The following EPB41L4A variants were observed in gnomAD, a reference collection of about 807,000 sequenced individuals.
EPB41L4A encodes band 4.1-like protein 4A.
In EPB41L4A, 100 loss-of-function variants were observed where a neutral mutation model predicts 108.6. The ratio of observed to expected loss-of-function variants is 0.92; its 90% CI spans 0.78 to 1.09. EPB41L4A has a LOEUF of 1.09. Among genes scored for constraint, EPB41L4A ranks in the 50% least tolerant of loss-of-function variants. The pLI, the probability that EPB41L4A is intolerant of heterozygous loss-of-function variation, is 0.00. For synonymous variants in EPB41L4A, 319 were observed against 289.0 expected (o/e 1.10, Z -1.05); for missense variants, 1,030 against 842.7 (o/e 1.22, Z -2.75).
chr5:112,247,765 G>A (rs1005958072), intron 9 of EPB41L4A, among the ~76,000 whole-genome samples: 3 of 152,082 alleles, frequency 2.0e-5, no homozygotes, highest in Non-Finnish European at 4.4e-5. Context: ...AAAGTATTCC[G>A]TCTTAAAATA....
intron 1 of EPB41L4A, chr5:112,363,717 G>C (rs993626640): frequency 6.9e-6 from 1 of 143,902 alleles, no homozygotes; most frequent in Non-Finnish European, 1.5e-5. Context: ...CTTACCATTT[G>C]ATGATTCTGA....
Position 112,209,902 on chromosome 5 carries a change from G to C in EPB41L4A, c.1168C>G (p.Pro390Ala). Residue 390 changes from proline (P) to alanine (A), a missense_variant, in exon 13 of 23, where the codon CCA becomes GCA. By Grantham distance (27) the Pro-to-Ala change is conservative. Coordinates refer to ENST00000261486, the MANE Select transcript of EPB41L4A (RefSeq NM_022140.5). ...GTTAACTTCACTGACCTTTTTACTG[G>C]TGAAGGTGCAATAATTTTAATTGTT... ...EGTIKIIAPS[P>A]VKSFKKAKNE... 6.3e-7 allele frequency: 1 copy of C among 1,597,210 alleles called. No homozygotes were observed. Among genetic ancestry groups the C allele is most frequent in the Admixed American group, 1.7e-5 (1 of 59,592 alleles).
intron 17 of EPB41L4A, among the ~76,000 whole-genome samples, chr5:112,186,510 C>G (rs1761434491): frequency 6.6e-6 from 1 of 152,080 alleles, no homozygotes; most frequent in South Asian, 2.1e-4. Context: ...TTTTTTCTAA[C>G]TGAAAAGTCT....
At chr5:112,178,847 G>A (rs1031791105) in intron 18 of EPB41L4A, among the ~76,000 whole-genome samples, 5 of 150,648 alleles carry the variant, frequency 3.3e-5, no homozygotes, top group African/African-American at 9.7e-5. Context: ...ATCCTAAGAA[G>A]ATGAAAAAAG....
In EPB41L4A at chr5:112,275,690, T is replaced by C. The variant is rs1045164478; in HGVS notation, c.257-286A>G. 1.8e-4 allele frequency among the ~76,000 whole-genome samples: 27 copies of C among 152,100 alleles called. 1 individual carries two copies. Among genetic ancestry groups the C allele is most frequent in the Non-Finnish European group, 2.5e-4 (17 of 68,010 alleles). On this transcript the variant is annotated intron_variant, in intron 3 of 22. Coordinates refer to ENST00000261486, the MANE Select transcript of EPB41L4A (RefSeq NM_022140.5). The stretch of plus-strand genomic sequence containing the variant: ...TATATGTTTTTCCCATTTTCTATAG[T>C]ATATATGTAATTTTTCATAGTGAAG...
chr5:112,235,132 T>TAA (rs1054412558), intron 11 of EPB41L4A, among the ~76,000 whole-genome samples: 5 of 152,244 alleles, frequency 3.3e-5, no homozygotes, highest in Non-Finnish European at 5.9e-5. Context: ...CTCCATGTTG[T>TAA]ACTCACACAG....
chr5:112,196,324 AC>A (rs772705686), intron 15 of EPB41L4A, among the ~76,000 whole-genome samples: 2 of 152,226 alleles, frequency 1.3e-5, no homozygotes, highest in Non-Finnish European at 2.9e-5. Context: ...TAAATAAGTT[AC>A]TTTTCTACTC....
At chr5:112,351,842 T>TA (rs1438689160) in intron 1 of EPB41L4A, among the ~76,000 whole-genome samples, 1 of 152,164 alleles carries the variant, frequency 6.6e-6, no homozygotes, top group East Asian at 1.9e-4. Flanking sequence ...GATGAGTCAA[T>TA]AAACGCAAAT....
intron 2 of EPB41L4A, among the ~76,000 whole-genome samples, chr5:112,300,661 T>C (rs1226704310): frequency 2.0e-5 from 3 of 152,298 alleles, no homozygotes; most frequent in Non-Finnish European, 4.4e-5. Flanking sequence ...CAGGTGTTCT[T>C]TGAGCTCCTT....
chr5:112,190,713 C>G (rs79844496), intron 17 of EPB41L4A, among the ~76,000 whole-genome samples: 9,968 of 152,264 alleles, frequency 0.065, 470 homozygotes, highest in Non-Finnish European at 0.091. Flanking sequence ...TACCTCCCCC[C>G]ACTCCCTGCC....
chr5:112,146,907 G>A (rs1759280945), intron 12 of EPB41L4A, among the ~76,000 whole-genome samples: 1 of 152,118 alleles, frequency 6.6e-6, no homozygotes. Context: ...TTAATTAGAC[G>A]AGACTTTTAT....
At chr5:112,369,602 T>A (rs1334670731) in intron 1 of EPB41L4A, among the ~76,000 whole-genome samples, 1 of 152,200 alleles carries the variant, frequency 6.6e-6, no homozygotes, top group Non-Finnish European at 1.5e-5. Context: ...TTTAATTGAC[T>A]TATTGAATAT....
intron 18 of EPB41L4A, among the ~76,000 whole-genome samples, chr5:112,183,021 C>T (rs898917638): frequency 3.9e-5 from 6 of 152,198 alleles, no homozygotes; most frequent in East Asian, 1.9e-4. Context: ...CACATATACA[C>T]GGGGTTAATT....
intron 2 of EPB41L4A, among the ~76,000 whole-genome samples, chr5:112,289,788 G>A (rs1753533533): frequency 6.6e-6 from 1 of 152,198 alleles, no homozygotes; most frequent in Admixed American, 6.5e-5. Flanking sequence ...GAACAGACAT[G>A]AGCGGGCCCT....
intron 1 of EPB41L4A, among the ~76,000 whole-genome samples, chr5:112,313,988 G>C (rs569397675): frequency 2.1e-5 from 3 of 145,886 alleles, no homozygotes; most frequent in South Asian, 4.4e-4. Flanking sequence ...CTCAGCCTCC[G>C]AAGTAGCTGG....
chr5:112,401,977 G>A (rs563091609), intron 1 of EPB41L4A, among the ~76,000 whole-genome samples: 12 of 152,318 alleles, frequency 7.9e-5, no homozygotes, highest in African/African-American at 2.4e-4. Context: ...ACCCCAACAC[G>A]TTAGGTGGAA....
chr5:112,357,446 A>G (rs1758428545), intron 1 of EPB41L4A, among the ~76,000 whole-genome samples: 1 of 152,252 alleles, frequency 6.6e-6, no homozygotes, highest in Non-Finnish European at 1.5e-5. Context: ...TGTCTCAGGT[A>G]TCTCTAACAC....
In EPB41L4A at chr5:112,279,327, C is replaced by A. The variant is rs17134304; in HGVS notation, c.256+945G>T. Among the ~76,000 whole-genome samples, 708 of 152,198 alleles carry A rather than the reference C, an allele frequency of 4.7e-3. 39 individuals are homozygous for A. In the East Asian group the frequency reaches 0.11, roughly 23 times the overall value. Reference sequence around the variant, plus strand: ...CTTGGATCCATGGAGCATCGCACAACCAATACTATCACAGGAAACAAGCTG... The same window carrying A: ...CTTGGATCCATGGAGCATCGCACAAACAATACTATCACAGGAAACAAGCTG... On this transcript the variant is annotated intron_variant, in intron 3 of 22. Coordinates refer to ENST00000261486, the MANE Select transcript of EPB41L4A (RefSeq NM_022140.5).
chr5:112,418,807 G>C (rs1236430556), intron 1 of EPB41L4A, 134 bp downstream of exon 1: 2 of 632,194 alleles, frequency 3.2e-6, no homozygotes, highest in African/African-American at 3.7e-5. Flanking sequence ...GCGCGCAGGG[G>C]ACAGCGGCCT....
Sources: gnomAD v4.1 joint callset for allele counts (sites outside exome capture counted in the v4.1 genomes callset) on GRCh38, gnomAD v4.1.1 for gene constraint, MANE v1.5 for transcripts, NCBI Gene and HGNC (gene_info 2026-07-23, HGNC 2026-07-21) for gene names.